Variants in RPS6KA5 observed in about 807,000 individuals in gnomAD.
RPS6KA5 encodes ribosomal protein S6 kinase A5.
RPS6KA5 carries 27 observed loss-of-function variants against 85.5 expected under a neutral mutation model. That is an observed-to-expected ratio of 0.32 (90% CI 0.23 to 0.44). RPS6KA5 has a LOEUF of 0.44. Ranked by LOEUF, RPS6KA5 falls within the 20% of genes least tolerant of loss-of-function variation. The pLI, the probability that RPS6KA5 is intolerant of heterozygous loss-of-function variation, is 1.00. For synonymous variants in RPS6KA5, 334 were observed against 348.2 expected (o/e 0.96, Z 0.46); for missense variants, 811 against 980.9 (o/e 0.83, Z 2.31).
chr14:90,994,794 G>C (rs1566840162), intron 2 of RPS6KA5, among the ~76,000 whole-genome samples: 1 of 151,330 alleles, frequency 6.6e-6, no homozygotes, highest in African/African-American at 2.4e-5. Context: ...GGATGGTCTC[G>C]ATCTCCTGAC....
At chr14:90,892,245 G>A (rs1184894568) in intron 13 of RPS6KA5, among the ~76,000 whole-genome samples, 2 of 151,978 alleles carry the variant, frequency 1.3e-5, no homozygotes, top group Admixed American at 1.3e-4. Context: ...CAAGTGATCC[G>A]CTTGCCTCGG....
chr14:90,951,715 T>C (rs1452285256), intron 3 of RPS6KA5, among the ~76,000 whole-genome samples: 5 of 152,150 alleles, frequency 3.3e-5, no homozygotes, highest in Non-Finnish European at 5.9e-5. Context: ...AGGACAAGGA[T>C]CATCATCCTA....
intron 9 of RPS6KA5, 27 bp from the exon 10 acceptor site, chr14:90,900,763 G>GA (rs1387298610): frequency 1.9e-6 from 3 of 1,580,308 alleles, no homozygotes; most frequent in Non-Finnish European, 1.7e-6. Context: ...GAAAGATAAA[G>GA]AAAAACAACT....
rs117362884 is a variant in RPS6KA5, at chr14:90,873,207, A to G, written c.2160+425T>C. ...ATAGTCTCAGTCTTTCAAACATACAATCTATACTTAATACCAATGAACTTA... is the reference window on the plus strand; with the variant it reads ...ATAGTCTCAGTCTTTCAAACATACAGTCTATACTTAATACCAATGAACTTA... On this transcript the variant is annotated intron_variant, in intron 16 of 16. Transcript: ENST00000614987. Among the ~76,000 whole-genome samples the G allele has an allele frequency of 6.4e-4, 98 of 152,292 alleles. No individual in the cohort carries two copies. The East Asian group carries it at 0.014, about 22-fold the overall frequency.
At chr14:90,989,906 A>G (rs1332369645) in intron 2 of RPS6KA5, among the ~76,000 whole-genome samples, 1 of 152,178 alleles carries the variant, frequency 6.6e-6, no homozygotes, top group Non-Finnish European at 1.5e-5. Flanking sequence ...ATATACAGGG[A>G]TGATCGTAAG....
chr14:90,952,074 G>A (rs935818007), intron 3 of RPS6KA5, among the ~76,000 whole-genome samples: 12 of 152,174 alleles, frequency 7.9e-5, no homozygotes, highest in African/African-American at 2.9e-4. Context: ...AGGCACCTTG[G>A]ATTGCTTCTT....
chr14:91,007,529 C>T (rs992666884), intron 1 of RPS6KA5, among the ~76,000 whole-genome samples: 4 of 152,056 alleles, frequency 2.6e-5, no homozygotes, highest in African/African-American at 9.7e-5. Context: ...TATATTAATG[C>T]CTTAAGTTTA....
intron 2 of RPS6KA5, among the ~76,000 whole-genome samples, chr14:90,997,617 A>G (rs1268568431): frequency 6.6e-6 from 1 of 152,194 alleles, no homozygotes; most frequent in East Asian, 1.9e-4. Flanking sequence ...AGCATTATTT[A>G]TAACAGCCAA....
rs985155775 is a variant in RPS6KA5, at chr14:90,900,221, G to A, written c.1266C>T (p.His422=). ...GTTTGTCCTTCAAATCTAGGTCATA[G>A]TGTTGATAGAATGGAGAGTCCTGTC... The part of the protein sequence containing the change: ...AMMKDSPFYQ[H]YDLDLKDKPL... Residue 422 remains histidine, a synonymous_variant, in exon 11 of 17, where the codon CAC becomes CAT. Transcript: ENST00000614987. 1 of 1,595,926 alleles carries A rather than the reference G, an allele frequency of 6.3e-7. No individual in the cohort carries two copies. The highest frequency in any genetic ancestry group is 8.5e-7 in the Non-Finnish European group (1 of 1,170,622).
At chr14:90,884,777 T>C (rs896125391) in intron 14 of RPS6KA5, among the ~76,000 whole-genome samples, 2 of 152,216 alleles carry the variant, frequency 1.3e-5, no homozygotes, top group African/African-American at 4.8e-5. Flanking sequence ...TGCTGTTATA[T>C]ATCTTCTTAT....
Position 90,976,241 on chromosome 14 carries a change from C to T in RPS6KA5, c.394+2065G>A, listed in dbSNP as rs550596333. Among the ~76,000 whole-genome samples, 600 of 145,786 alleles carry T rather than the reference C, an allele frequency of 4.1e-3. 4 individuals are homozygous for T. Among genetic ancestry groups the T allele is most frequent in the African/African-American group, 6.9e-3 (274 of 39,528 alleles). On this transcript the variant is annotated intron_variant, in intron 3 of 16. Coordinates refer to ENST00000614987, the MANE Select transcript of RPS6KA5 (RefSeq NM_004755.4). Reference sequence around the variant, plus strand: ...AAAAAAAGAGAGGAGACAGAAAGGGCGGGGGCAGGCTAGAGAGTAATGGTG... The same window carrying T: ...AAAAAAAGAGAGGAGACAGAAAGGGTGGGGGCAGGCTAGAGAGTAATGGTG...
At chr14:90,936,773 C>T (rs561581242) in intron 5 of RPS6KA5, among the ~76,000 whole-genome samples, 1 of 152,108 alleles carries the variant, frequency 6.6e-6, no homozygotes, top group South Asian at 2.1e-4. Flanking sequence ...GCAGAAACAT[C>T]AAACATACAT....
At chr14:90,956,594 T>G (rs993440946) in intron 3 of RPS6KA5, among the ~76,000 whole-genome samples, 3 of 152,022 alleles carry the variant, frequency 2.0e-5, no homozygotes, top group Non-Finnish European at 4.4e-5. Context: ...AGTCTAGTCT[T>G]TCTTTATCCT....
intron 2 of RPS6KA5, among the ~76,000 whole-genome samples, chr14:90,994,863 C>T (rs1159773123): frequency 1.3e-5 from 2 of 151,834 alleles, no homozygotes; most frequent in Non-Finnish European, 2.9e-5. Flanking sequence ...TGAGCCACCG[C>T]ACACGGCTGG....
At chr14:91,023,679 C>A (rs532710750) in intron 1 of RPS6KA5, among the ~76,000 whole-genome samples, 2,710 of 138,578 alleles carry the variant, frequency 0.02, 62 homozygotes, top group African/African-American at 0.067. Context: ...TAAAAAAAAA[C>A]CACCAACACA....
chr14:91,058,637 C>T (rs910449790), intron 1 of RPS6KA5, among the ~76,000 whole-genome samples: 1 of 152,084 alleles, frequency 6.6e-6, no homozygotes, highest in South Asian at 2.1e-4. Context: ...GGCACAAATC[C>T]GAATAAATGT....
In RPS6KA5 at chr14:90,862,356, T is replaced by C. The variant is rs1595080384; in HGVS notation, c.*9718A>G. The C allele has an allele frequency of 6.6e-6, 1 of 152,010 alleles. No homozygotes were observed. Among genetic ancestry groups the C allele is most frequent in the East Asian group, 1.9e-4 (1 of 5,182 alleles). The allele number at this position is 152,010 out of a possible 1,614,324, so 9.4% of individuals were successfully genotyped here. On this transcript the variant is annotated 3_prime_UTR_variant, in exon 17 of 17. Coordinates refer to ENST00000614987, the MANE Select transcript of RPS6KA5 (RefSeq NM_004755.4). ...GAACACATCTCCAACTTTTTTTTTA[T>C]GAGGCCAGAATAATCTTGATACCAA...
rs1189680425 is a variant in RPS6KA5 at position 90,865,173 on chromosome 14, A to G, written c.*6901T>C. On this transcript the variant is annotated 3_prime_UTR_variant, in exon 17 of 17. Transcript: ENST00000614987. ...ACTTTTAAGTGGACACACAAGAGAA[A>G]TGAGTGTACGTGTCCATTAAAATAT... 1.3e-5 allele frequency: 2 copies of G among 152,216 alleles called. No homozygotes were observed. Among genetic ancestry groups the G allele is most frequent in the Non-Finnish European group, 2.9e-5 (2 of 68,046 alleles). 9.4% of individuals were successfully genotyped at this position (152,216 alleles called of 1,614,324 possible).
chr14:91,017,775 G>C (rs2139775308), intron 1 of RPS6KA5, among the ~76,000 whole-genome samples: 1 of 152,288 alleles, frequency 6.6e-6, no homozygotes, highest in East Asian at 1.9e-4. Context: ...TGCTGGCTTA[G>C]AAGTCTTAGT....
Sources: gnomAD v4.1 joint callset for allele counts (sites outside exome capture counted in the v4.1 genomes callset) on GRCh38, gnomAD v4.1.1 for gene constraint, MANE v1.5 for transcripts, NCBI Gene and HGNC (gene_info 2026-07-23, HGNC 2026-07-21) for gene names.